The following RERE variants were observed in gnomAD, a reference collection of about 807,000 sequenced individuals.
RERE encodes arginine-glutamic acid dipeptide repeats protein.
In RERE, 40 loss-of-function variants were observed where a neutral mutation model predicts 146.1. The observed-to-expected ratio is 0.27, with a 90% CI of 0.21 to 0.36. The LOEUF (loss-of-function observed/expected upper bound fraction) is 0.36, where lower values mean the gene tolerates loss of function less well. Ranked by LOEUF, RERE falls within the 10% of genes least tolerant of loss-of-function variation. The pLI is 1.00. For missense variants in RERE, 1,933 were observed against 2,138.7 expected, an observed-to-expected ratio of 0.90 and a Z score of 1.90; for synonymous variants, 1,003 against 866.0, an observed-to-expected ratio of 1.16 and a Z score of -2.78.
rs1643960375 is a variant in RERE, at chr1:8,423,873, C to A, written c.1204-1066G>T. On this transcript the variant is annotated intron_variant, in intron 11 of 22. Transcript: ENST00000400908. The surrounding 1 kb of genome is among the most constrained non-coding windows in gnomAD (Gnocchi z 5.4). ...CGCCCTCCTGTCCGCCAGCCGGGGC[C>A]CCGCGCCCCGGCCCCGGCCCCGCCC... 1.1e-5 allele frequency: 2 copies of A among 174,316 alleles called. No homozygotes were observed. The highest frequency in any genetic ancestry group is 2.2e-5 in the Non-Finnish European group (2 of 89,552). 10.8% of individuals were successfully genotyped at this position (174,316 alleles called of 1,614,324 possible).
At chr1:8,637,068 A>AT (rs1482111026) in intron 2 of RERE, among the ~76,000 whole-genome samples, 4 of 152,252 alleles carry the variant, frequency 2.6e-5, no homozygotes, top group East Asian at 1.9e-4. Flanking sequence ...AAATATTCTA[A>AT]TTTTTTTAAA....
In RERE at chr1:8,663,261, C is replaced by A. The variant is rs140409932; in HGVS notation, c.-144-6820G>T. On this transcript the variant is annotated intron_variant, in intron 1 of 22. Transcript: ENST00000400908. ...CTGAGTTCCCAATCCTCAAGCTCTACTCATCTCCATTGCTCAAGCCAGGCT... is the reference window on the plus strand; with the variant it reads ...CTGAGTTCCCAATCCTCAAGCTCTAATCATCTCCATTGCTCAAGCCAGGCT... Among the ~76,000 whole-genome samples, 497 of 152,288 alleles carry A rather than the reference C, an allele frequency of 3.3e-3. 1 individual carries two copies. Among genetic ancestry groups the A allele is most frequent in the African/African-American group, 0.011 (470 of 41,554 alleles).
At chr1:8,778,171 G>C (rs1641103182) in intron 1 of RERE, among the ~76,000 whole-genome samples, 1 of 152,154 alleles carries the variant, frequency 6.6e-6, no homozygotes, top group Admixed American at 6.6e-5. Flanking sequence ...ATTAGACAGT[G>C]AGTTAAAGTA....
chr1:8,562,007 G>A (rs1203625529), intron 4 of RERE, among the ~76,000 whole-genome samples: 1 of 152,122 alleles, frequency 6.6e-6, no homozygotes, highest in African/African-American at 2.4e-5. Context: ...AAGCCTCAAT[G>A]CTCTCATATA....
intron 11 of RERE, among the ~76,000 whole-genome samples, chr1:8,449,067 G>A (rs549697022): frequency 6.6e-6 from 1 of 152,304 alleles, no homozygotes; most frequent in East Asian, 1.9e-4. Context: ...TTCCCAGGCT[G>A]GTGGAAGATC....
chr1:8,558,054 A>AT (rs1332377375), intron 4 of RERE, among the ~76,000 whole-genome samples: 1 of 152,196 alleles, frequency 6.6e-6, no homozygotes, highest in African/African-American at 2.4e-5. Context: ...AGCCACAGTT[A>AT]TTGTTAAGTG....
At chr1:8,678,197 A>G (rs1638884451) in intron 1 of RERE, among the ~76,000 whole-genome samples, 1 of 152,176 alleles carries the variant, frequency 6.6e-6, no homozygotes. Flanking sequence ...AATAAAATCA[A>G]TTTATTAGAT....
At chr1:8,589,055 C>T (rs1031072008) in intron 4 of RERE, among the ~76,000 whole-genome samples, 4 of 151,838 alleles carry the variant, frequency 2.6e-5, no homozygotes, top group South Asian at 2.1e-4. Context: ...ACTGGGGAGG[C>T]GGAGGTTGCA....
intron 1 of RERE, chr1:8,751,055 T>C: frequency 3.5e-6 from 2 of 576,602 alleles, no homozygotes; most frequent in Non-Finnish European, 6.3e-6. Context: ...CCTGTGGCCC[T>C]TCAAATTATC....
intron 11 of RERE, among the ~76,000 whole-genome samples, chr1:8,462,401 C>T (rs1270276293): frequency 5.3e-5 from 8 of 152,206 alleles, no homozygotes; most frequent in African/African-American, 1.2e-4. Flanking sequence ...AACTGCCAAG[C>T]GAGTGACGCG....
chr1:8,797,432 T>C (rs927586251), intron 1 of RERE, among the ~76,000 whole-genome samples: 1 of 151,962 alleles, frequency 6.6e-6, no homozygotes, highest in African/African-American at 2.4e-5. Context: ...CAGATCATTA[T>C]TGTTCTTAAG....
At chr1:8,809,063 G>A (rs560747277) in intron 1 of RERE, among the ~76,000 whole-genome samples, 30 of 151,132 alleles carry the variant, frequency 2.0e-4, no homozygotes, top group Admixed American at 4.6e-4. Context: ...GTGTGAACCC[G>A]GGAGGCAGAG....
intron 12 of RERE, among the ~76,000 whole-genome samples, chr1:8,410,381 T>G (rs1477356895): frequency 1.3e-5 from 2 of 151,346 alleles, no homozygotes; most frequent in Non-Finnish European, 2.9e-5. Context: ...AGGCAGGGGG[T>G]GTGCCAACTA....
At chr1:8,619,457 A>G (rs1203865917) in intron 3 of RERE, among the ~76,000 whole-genome samples, 2 of 152,250 alleles carry the variant, frequency 1.3e-5, no homozygotes, top group East Asian at 3.8e-4. Context: ...GGTATAAGTA[A>G]CAGCTGAAAC....
At chr1:8,774,429 C>T (rs1405308946) in intron 1 of RERE, among the ~76,000 whole-genome samples, 3 of 147,712 alleles carry the variant, frequency 2.0e-5, no homozygotes, top group South Asian at 2.1e-4. Context: ...TCTCGGCTCA[C>T]CCCAACCTCC....
intron 1 of RERE, among the ~76,000 whole-genome samples, chr1:8,708,969 G>T (rs530571206): frequency 9.0e-4 from 121 of 134,744 alleles, no homozygotes; most frequent in Admixed American, 2.0e-3. Flanking sequence ...TTGGAGTGCA[G>T]TGGTGCAATC....
intron 3 of RERE, among the ~76,000 whole-genome samples, chr1:8,618,518 A>C (rs1646882187): frequency 6.6e-6 from 1 of 152,114 alleles, no homozygotes; most frequent in Non-Finnish European, 1.5e-5. Flanking sequence ...CCCACCCCCC[A>C]ACCAAAAAAG....
chr1:8,729,033 C>T (rs940226516), intron 1 of RERE, among the ~76,000 whole-genome samples: 7 of 151,698 alleles, frequency 4.6e-5, no homozygotes, highest in African/African-American at 7.3e-5. Flanking sequence ...GGCATGGTGG[C>T]GCAAGCCTGT....
At chr1:8,379,360 A>T (rs1642366968) in intron 12 of RERE, among the ~76,000 whole-genome samples, 1 of 151,916 alleles carries the variant, frequency 6.6e-6, no homozygotes, top group African/African-American at 2.4e-5. Context: ...CATACTTCAC[A>T]GACAGACAAA....
Sources: gnomAD v4.1 joint callset for allele counts (sites outside exome capture counted in the v4.1 genomes callset) on GRCh38, gnomAD v4.1.1 for gene constraint, Gnocchi (gnomAD v3.1) non-coding constraint, MANE v1.5 for transcripts, NCBI Gene and HGNC (gene_info 2026-07-23, HGNC 2026-07-21) for gene names.